The following NLRP13 variants were observed in gnomAD, a reference collection of about 807,000 sequenced individuals.
NLRP13 encodes the protein NLR family pyrin domain containing 13, also known as NACHT, LRR and PYD domains-containing protein 13.
A neutral mutation model predicts 94.4 loss-of-function variants in NLRP13; 82 were observed. That is an observed-to-expected ratio of 0.87 (90% CI 0.73 to 1.04). NLRP13 has a LOEUF of 1.04. NLRP13 is among the 50% of genes least tolerant of loss of function. The pLI, the probability that NLRP13 is intolerant of heterozygous loss-of-function variation, is 0.00. For synonymous variants in NLRP13, 553 were observed against 464.7 expected, an observed-to-expected ratio of 1.19 and a Z score of -2.45; for missense variants, 1,426 against 1,230.8, an observed-to-expected ratio of 1.16 and a Z score of -2.37.
rs766417754 is a variant in NLRP13, at chr19:55,905,130, G to A, written c.2448-18C>T. The A allele has an allele frequency of 2.5e-6, 4 of 1,612,690 alleles. No homozygotes were observed. The highest frequency in any genetic ancestry group is 1.1e-5 in the South Asian group (1 of 90,958). ...TCTCCAGGCTGTGGAAGGTGCAGGT[G>A]CAAGGTGAGCCTCAGCCATGATGCC... On this transcript the variant is annotated intron_variant, in intron 7 of 10. Coordinates refer to ENST00000342929, the MANE Select transcript of NLRP13 (RefSeq NM_176810.2).
chr19:55,894,904 T>C (rs1213155858), downstream of NLRP13, among the ~76,000 whole-genome samples: 1 of 152,086 alleles, frequency 6.6e-6, no homozygotes, highest in African/African-American at 2.4e-5. Context: ...GACTGCACCA[T>C]CCAGTACGGT....
Position 55,919,865 on chromosome 19 carries a change from A to C in NLRP13, c.523+4049T>G, listed in dbSNP as rs138492333. On this transcript the variant is annotated intron_variant, in intron 4 of 10. Transcript: ENST00000342929. ...TCATATGGAACCAAGAAAGAGCCCT[A>C]ATAGCCAAAACAATCAGAAGCAAAA... 3.9e-5 allele frequency among the ~76,000 whole-genome samples: 6 copies of C among 152,262 alleles called. No individual in the cohort carries two copies. In the South Asian group the frequency reaches 1.2e-3, roughly 32 times the overall value.
In NLRP13 at chr19:55,912,337, T is replaced by C. The variant is rs1986542512; in HGVS notation, c.1480A>G (p.Met494Val). 3 of 1,614,008 alleles carry C rather than the reference T, an allele frequency of 1.9e-6. No homozygotes were observed. In the African/African-American group the frequency reaches 4.0e-5, roughly 22 times the overall value. Residue 494 changes from methionine (M) to valine (V), a missense_variant, in exon 5 of 11, where the codon ATG (methionine) becomes GTG (valine). Transcript: ENST00000342929. ...CSLAIEGLWS[M>V]NFTFNKEDTE... Reference sequence around the variant, plus strand: ...TCTTCTTTGTTAAACGTGAAGTTCATAGACCACAGCCCTTCTATGGCCAGA... The same window carrying C: ...TCTTCTTTGTTAAACGTGAAGTTCACAGACCACAGCCCTTCTATGGCCAGA...
At chr19:55,901,925 A>G (rs1661370955) in intron 9 of NLRP13, 110 bp downstream of exon 9, 1 of 1,150,626 alleles carries the variant, frequency 8.7e-7, no homozygotes, top group Middle Eastern at 2.0e-4. Flanking sequence ...CTCCATGGCA[A>G]AGAGCTTGTC....
At chr19:55,930,999 C>CA (rs1176229735) in intron 1 of NLRP13, among the ~76,000 whole-genome samples, 1 of 151,388 alleles carries the variant, frequency 6.6e-6, no homozygotes, top group African/African-American at 2.4e-5. Context: ...TACAACACCA[C>CA]AATCAGCCCT....
At position 55,912,544 on chromosome 19, in the gene NLRP13, G is replaced by C; in HGVS notation, c.1273C>G (p.Pro425Ala). The change falls in exon 5 of 11, where the codon CCC becomes GCC. Residue 425 changes from proline (P) to alanine (A), a missense_variant. Pro to Ala is a conservative substitution (Grantham distance 27, BLOSUM62 -1). Coordinates refer to ENST00000342929, the MANE Select transcript of NLRP13 (RefSeq NM_176810.2). ...GAACATACGGTCCAACACACCATGG[G>C]GGCACTGCAGGAATGAAAGAGAGTT... ...NETLFHSCSA[P>A]MVCWTVCSCL... 6.2e-7 allele frequency: 1 copy of C among 1,614,112 alleles called. No homozygotes were observed. The highest frequency in any genetic ancestry group is 8.5e-7 in the Non-Finnish European group (1 of 1,179,994).
intron 1 of NLRP13, among the ~76,000 whole-genome samples, chr19:55,928,938 G>GA (rs959906851): frequency 1.1e-3 from 169 of 150,844 alleles, no homozygotes; most frequent in African/African-American, 3.8e-3. Flanking sequence ...AAATTTACAA[G>GA]AAAAAAAAAT....
rs1338071833 is a variant in NLRP13 at position 55,930,901 on chromosome 19, A to ATATATATATTTTTTT, written c.319+1091_319+1092insAAAAAAATATATATA. ...ATATATATATATATATATATATAAAATTTTAACCAGAAGCTTAAACAGCAT... is the reference window on the plus strand; with the variant it reads ...ATATATATATATATATATATATAAAATATATATATTTTTTTTTTTAACCAGAAGCTTAAACAGCAT... On this transcript the variant is annotated intron_variant, in intron 1 of 10. Transcript: ENST00000342929. Among the ~76,000 whole-genome samples, 45 of 98,292 alleles carry ATATATATATTTTTTT rather than the reference A, an allele frequency of 4.6e-4. 1 individual carries two copies. The highest frequency in any genetic ancestry group is 8.5e-4 in the Admixed American group (9 of 10,558). The allele number at this position is 98,292 out of a possible 152,430, so 64.5% of individuals were successfully genotyped here. A position where few individuals can be genotyped will look rare whatever the true frequency, so the allele number is the denominator to read the frequency against.
At chr19:55,911,565 G>T in intron 5 of NLRP13, 141 bp downstream of exon 5, 1 of 763,366 alleles carries the variant, frequency 1.3e-6, no homozygotes, top group Non-Finnish European at 2.1e-6. Context: ...ATTCTTTCAA[G>T]TTAGAGCTGC....
chr19:55,917,405 T>C (rs1986699030), intron 4 of NLRP13, among the ~76,000 whole-genome samples: 1 of 152,016 alleles, frequency 6.6e-6, no homozygotes. Context: ...ATCAACATTG[T>C]AACTGGAAAA....
At position 55,912,189 on chromosome 19, in the gene NLRP13, A is replaced by T; in HGVS notation, c.1628T>A (p.Phe543Tyr). 6.2e-7 allele frequency: 1 copy of T among 1,614,182 alleles called. No homozygotes were observed. The highest frequency in any genetic ancestry group is 8.5e-7 in the Non-Finnish European group (1 of 1,180,026). The stretch of plus-strand genomic sequence containing the variant: ...CTCTAGCACAAAGGACATGGCTGCA[A>T]AAAACTCCTGGAAACTTAGGTGGGT... ...TFTHLSFQEF[F>Y]AAMSFVLEEP... The change falls in exon 5 of 11, where the codon TTT (phenylalanine) becomes TAT (tyrosine). Residue 543 changes from phenylalanine to tyrosine, a missense_variant. Phe to Tyr is a conservative substitution (Grantham distance 22, BLOSUM62 3). Coordinates refer to ENST00000342929, the MANE Select transcript of NLRP13 (RefSeq NM_176810.2).
chr19:55,908,961 A>G (rs759980510), intron 6 of NLRP13, among the ~76,000 whole-genome samples: 10 of 152,234 alleles, frequency 6.6e-5, no homozygotes, highest in African/African-American at 9.6e-5. Flanking sequence ...CCTGCCTCTC[A>G]TGAGTTTGGT....
At chr19:55,930,901 A>ATATATATTTTTT (rs1338071833) in intron 1 of NLRP13, among the ~76,000 whole-genome samples, 8 of 98,286 alleles carry the variant, frequency 8.1e-5, no homozygotes, top group Non-Finnish European at 1.5e-4. Context: ...TATATATAAA[A>ATATATATTTTTT]TTTTAACCAG....
intron 1 of NLRP13, among the ~76,000 whole-genome samples, chr19:55,925,657 T>C (rs913307313): frequency 6.6e-6 from 1 of 152,180 alleles, no homozygotes. Context: ...GTCCCCTTCC[T>C]CATGAGCTAG....
chr19:55,913,944 C>T (rs563251848), intron 4 of NLRP13, among the ~76,000 whole-genome samples: 2 of 152,178 alleles, frequency 1.3e-5, no homozygotes, highest in Non-Finnish European at 2.9e-5. Flanking sequence ...CCTCGAAACA[C>T]TTCAGAGCAA....
In NLRP13 at chr19:55,898,797, T is replaced by C. The variant is rs1319036738; in HGVS notation, c.2930A>G (p.Lys977Arg). 1 of 1,611,756 alleles carries C rather than the reference T, an allele frequency of 6.2e-7. No homozygotes were observed. ...DGVKLLCEAL[K>R]PHRALHTLGL... ...AAGTGTGTGCAATGCACGATGTGGT[T>C]TCAGAGCCTCACACAGTAGCTTCAC... The change falls in exon 10 of 11, where the codon AAA becomes AGA. Residue 977 changes from lysine to arginine, a missense_variant. Transcript: ENST00000342929.
At chr19:55,903,239 C>G (rs1053601205) in intron 8 of NLRP13, among the ~76,000 whole-genome samples, 2 of 152,074 alleles carry the variant, frequency 1.3e-5, no homozygotes, top group East Asian at 3.8e-4. Flanking sequence ...TGTGAATCAC[C>G]TATCGATAAT....
At chr19:55,929,782 G>T (rs1319948782) in intron 1 of NLRP13, among the ~76,000 whole-genome samples, 1 of 151,814 alleles carries the variant, frequency 6.6e-6, no homozygotes, top group Non-Finnish European at 1.5e-5. Context: ...ATAAAAAAAT[G>T]AAAGTAGAAA....
intron 8 of NLRP13, among the ~76,000 whole-genome samples, chr19:55,904,341 G>T (rs1986275938): frequency 6.6e-6 from 1 of 152,098 alleles, no homozygotes; most frequent in Admixed American, 6.6e-5. Flanking sequence ...GCCCGCCTCA[G>T]CCTCCCAAAG....
Sources: gnomAD v4.1 joint callset for allele counts (sites outside exome capture counted in the v4.1 genomes callset) on GRCh38, gnomAD v4.1.1 for gene constraint, MANE v1.5 for transcripts, NCBI Gene and HGNC (gene_info 2026-07-23, HGNC 2026-07-21) for gene names.